The following DISP1 variants were observed in gnomAD, a reference collection of about 807,000 sequenced individuals.
DISP1 encodes the protein dispatched RND transporter family member 1.
DISP1 carries 30 observed loss-of-function variants against 37.3 expected under a neutral mutation model. That is an observed-to-expected ratio of 0.80 (90% confidence interval 0.60 to 1.09). The LOEUF (loss-of-function observed/expected upper bound fraction) is 1.09, where lower values mean the gene tolerates loss of function less well. Ranked by LOEUF, DISP1 falls within the 50% of genes least tolerant of loss-of-function variation. The pLI is 0.00. For missense variants in DISP1, 1,598 were observed against 1,879.5 expected (o/e 0.85, Z 2.77); for synonymous variants, 634 against 690.2 (o/e 0.92, Z 1.28).
chr1:222,942,687 G>C (rs1208599978), intron 2 of DISP1, 120 bp from the exon 3 acceptor site: 4 of 1,150,538 alleles, frequency 3.5e-6, no homozygotes, highest in Non-Finnish European at 5.1e-6. Flanking sequence ...TTCTACCACT[G>C]TCTCACAACT....
At position 222,984,435 on chromosome 1, in the gene DISP1, T is replaced by TATATATATATATAGAGAG. The variant is rs67660273; in HGVS notation, c.539+1327_539+1328insTATATATATATAGAGAGA. On this transcript the variant is annotated intron_variant, in intron 4 of 8. Coordinates refer to ENST00000675850, the MANE Select transcript of DISP1 (RefSeq NM_001377229.1). ...AAAAAAAAAAAAATATATATATATA[T>TATATATATATATAGAGAG]AGAGAGAGAGAGAGAGAGAGAGAGC... Among the ~76,000 whole-genome samples, 277 of 108,342 alleles carry TATATATATATATAGAGAG rather than the reference T, an allele frequency of 2.6e-3. 6 individuals carry two copies. The highest frequency in any genetic ancestry group is 4.0e-3 in the Non-Finnish European group (223 of 56,166). The allele number at this position is 108,342 out of a possible 152,430, so 71.1% of individuals were successfully genotyped here. A position where few individuals can be genotyped will look rare whatever the true frequency, so the allele number is the denominator to read the frequency against.
chr1:222,941,169 G>T (rs533168304), intron 2 of DISP1, among the ~76,000 whole-genome samples: 4 of 152,080 alleles, frequency 2.6e-5, no homozygotes, highest in Admixed American at 6.6e-5. Context: ...TGCTCTTGCC[G>T]GTCAGTATAT....
At chr1:222,975,464 A>G (rs1358835779) in intron 3 of DISP1, among the ~76,000 whole-genome samples, 2 of 152,226 alleles carry the variant, frequency 1.3e-5, no homozygotes, top group Non-Finnish European at 2.9e-5. Context: ...AAAAATTATT[A>G]AAAGAGAAAA....
chr1:222,969,125 C>T (rs978813511), intron 3 of DISP1, among the ~76,000 whole-genome samples: 10 of 151,674 alleles, frequency 6.6e-5, no homozygotes, highest in Non-Finnish European at 1.3e-4. Context: ...AATCCCAGCA[C>T]TTTGGGAGGC....
At chr1:222,897,178 C>T (rs1035906742) in intron 1 of DISP1, among the ~76,000 whole-genome samples, 4 of 152,190 alleles carry the variant, frequency 2.6e-5, no homozygotes, top group South Asian at 2.1e-4. Flanking sequence ...AAAGACAGCA[C>T]GGATGAATCT....
intron 1 of DISP1, among the ~76,000 whole-genome samples, chr1:222,905,670 G>T (rs531635080): frequency 1.3e-5 from 2 of 152,046 alleles, no homozygotes; most frequent in Non-Finnish European, 2.9e-5. Context: ...GGACTCTTCT[G>T]TCAAGCTTTA....
chr1:222,955,876 C>T (rs1423947835), intron 3 of DISP1, among the ~76,000 whole-genome samples: 2 of 152,162 alleles, frequency 1.3e-5, no homozygotes, highest in East Asian at 1.9e-4. Flanking sequence ...ATGAAAGACT[C>T]CAAGGCCAAA....
intron 2 of DISP1, among the ~76,000 whole-genome samples, chr1:222,937,133 A>C (rs1673994240): frequency 6.9e-6 from 1 of 145,524 alleles, no homozygotes; most frequent in Non-Finnish European, 1.5e-5. Flanking sequence ...TCTGTCGCCC[A>C]GGCTGGAGTG....
At chr1:222,963,781 G>A (rs1372985297) in intron 3 of DISP1, among the ~76,000 whole-genome samples, 7 of 152,016 alleles carry the variant, frequency 4.6e-5, no homozygotes, top group Admixed American at 2.6e-4. Flanking sequence ...GGGGGTGAGA[G>A]AAGGGAACTT....
intron 3 of DISP1, among the ~76,000 whole-genome samples, chr1:222,962,782 A>AGGTAGAT (rs895408089): frequency 4.3e-4 from 66 of 152,230 alleles, no homozygotes; most frequent in East Asian, 1.3e-3. Flanking sequence ...AATTAACTCA[A>AGGTAGAT]GGTAGATTAA....
intron 2 of DISP1, among the ~76,000 whole-genome samples, chr1:222,941,795 G>A (rs189393975): frequency 6.6e-6 from 1 of 152,252 alleles, no homozygotes; most frequent in Non-Finnish European, 1.5e-5. Flanking sequence ...TGCACAAGCC[G>A]TTTTGTCTAC....
intron 1 of DISP1, among the ~76,000 whole-genome samples, chr1:222,926,175 TA>T (rs1673074454): frequency 6.6e-6 from 1 of 152,234 alleles, no homozygotes; most frequent in South Asian, 2.1e-4. Context: ...AATGGAATCA[TA>T]AAATATGTGG....
At chr1:222,975,832 T>A (rs1677278866) in intron 3 of DISP1, among the ~76,000 whole-genome samples, 1 of 152,230 alleles carries the variant, frequency 6.6e-6, no homozygotes, top group Non-Finnish European at 1.5e-5. Flanking sequence ...CTTTGCTTTT[T>A]TAAAAAACAG....
At chr1:222,938,323 C>A (rs2125480673) in intron 2 of DISP1, among the ~76,000 whole-genome samples, 1 of 152,154 alleles carries the variant, frequency 6.6e-6, no homozygotes. Flanking sequence ...TTAAGACTCT[C>A]AGGAACTCCT....
At chr1:222,819,409 G>T (rs1662159213) in intron 1 of DISP1, among the ~76,000 whole-genome samples, 1 of 151,926 alleles carries the variant, frequency 6.6e-6, no homozygotes, top group Non-Finnish European at 1.5e-5. Context: ...GTGAAAATCT[G>T]GGTTTTCATT....
intron 3 of DISP1, among the ~76,000 whole-genome samples, chr1:222,953,957 AATT>A (rs1675416107): frequency 6.6e-6 from 1 of 152,186 alleles, no homozygotes; most frequent in African/African-American, 2.4e-5. Context: ...TTATAAAACT[AATT>A]AATATAAGAT....
chr1:222,902,631 G>T (rs1449653984), intron 1 of DISP1, among the ~76,000 whole-genome samples: 1 of 152,104 alleles, frequency 6.6e-6, no homozygotes, highest in African/African-American at 2.4e-5. Context: ...CCATAAAAAA[G>T]TGGGCAAAGG....
intron 1 of DISP1, among the ~76,000 whole-genome samples, chr1:222,898,859 T>C (rs1257160587): frequency 6.6e-6 from 1 of 152,146 alleles, no homozygotes; most frequent in Non-Finnish European, 1.5e-5. Flanking sequence ...TAAGCTAAAC[T>C]TCTTGACTAG....
chr1:222,982,969 G>C, intron 3 of DISP1, 111 bp from the exon 4 acceptor site: 2 of 779,436 alleles, frequency 2.6e-6, no homozygotes, highest in Middle Eastern at 6.3e-4. Flanking sequence ...AAGATTCTTT[G>C]TAAGAGATAA....
Sources: gnomAD v4.1 joint callset for allele counts (sites outside exome capture counted in the v4.1 genomes callset) on GRCh38, gnomAD v4.1.1 for gene constraint, MANE v1.5 for transcripts, NCBI Gene and HGNC (gene_info 2026-07-23, HGNC 2026-07-21) for gene names.